The following MAST4 variants were observed in gnomAD, a reference collection of about 807,000 sequenced individuals.
The protein encoded by MAST4 is microtubule-associated serine/threonine-protein kinase 4.
Under a neutral mutation model 162.7 loss-of-function variants are expected in MAST4, and 89 were observed. The observed-to-expected ratio is 0.55, with a 90% confidence interval of 0.46 to 0.65. MAST4 has a LOEUF of 0.65. Ranked by LOEUF, MAST4 falls within the 30% of genes least tolerant of loss-of-function variation. The pLI, the probability that MAST4 is intolerant of heterozygous loss-of-function variation, is 0.00. For missense variants in MAST4, 3,153 were observed against 3,374.0 expected (o/e 0.93, Z 1.62); for synonymous variants, 1,479 against 1,361.1 (o/e 1.09, Z -1.91).
intron 2 of MAST4, among the ~76,000 whole-genome samples, chr5:66,760,375 A>G (rs1455212106): frequency 6.6e-6 from 1 of 152,006 alleles, no homozygotes; most frequent in Non-Finnish European, 1.5e-5. Context: ...TGGCCTCCCA[A>G]AGTGCTGGGA....
chr5:67,011,513 C>G (rs1338869571), intron 4 of MAST4, among the ~76,000 whole-genome samples: 1 of 152,202 alleles, frequency 6.6e-6, no homozygotes, highest in Non-Finnish European at 1.5e-5. Context: ...TCTCACGTTG[C>G]TAATATTCCA....
At chr5:67,125,155 A>C (rs559696728) in intron 14 of MAST4, among the ~76,000 whole-genome samples, 2 of 152,302 alleles carry the variant, frequency 1.3e-5, no homozygotes, top group South Asian at 4.2e-4. Context: ...GCAAGCTATA[A>C]AAGAAAGATA....
chr5:67,095,134 T>C (rs1037537704), intron 6 of MAST4, among the ~76,000 whole-genome samples: 1 of 152,204 alleles, frequency 6.6e-6, no homozygotes, highest in Non-Finnish European at 1.5e-5. Context: ...TGAGTATAAC[T>C]GTTCCTTGAA....
rs745946680 is a variant in MAST4 at position 67,163,493 on chromosome 5, C to A, written c.4314C>A (p.Ser1438=). 6 of 1,613,110 alleles carry A rather than the reference C, an allele frequency of 3.7e-6. No homozygotes were observed. The highest frequency in any genetic ancestry group is 1.7e-4 in the Middle Eastern group (1 of 6,060). The change falls in exon 29 of 29, where the codon TCC becomes TCA. Residue 1438 remains serine, a synonymous_variant. Transcript: ENST00000403625. This position sits in a 1 kb window ranked among gnomAD's most constrained non-coding sequence, Gnocchi z 7.0. ...VRPKSAEPPR[S]PLLKRVQSEE... ...CCAAGAGTGCGGAGCCCCCCAGGTC[C>A]CCGCTGCTCAAGCGCGTGCAGTCCG...
chr5:66,684,874 A>G (rs1258564966), intron 1 of MAST4, among the ~76,000 whole-genome samples: 3 of 152,196 alleles, frequency 2.0e-5, no homozygotes, highest in Non-Finnish European at 4.4e-5. Flanking sequence ...TGTGGGAGGT[A>G]AAAGGGTGTG....
Position 66,717,048 on chromosome 5 carries a change from C to T in MAST4, c.364-42661C>T, listed in dbSNP as rs550008067. 7.9e-5 allele frequency among the ~76,000 whole-genome samples: 12 copies of T among 152,224 alleles called. No individual in the cohort carries two copies. In the East Asian group the frequency reaches 1.5e-3, roughly 20 times the overall value. On this transcript the variant is annotated intron_variant, in intron 1 of 28. Coordinates refer to ENST00000403625, the MANE Select transcript of MAST4 (RefSeq NM_001164664.2). ...CTGATCCCAGGCGATGAGTATTAAG[C>T]GGGAGGGAAGCGAGGCTTTCCATGG...
intron 15 of MAST4, among the ~76,000 whole-genome samples, chr5:67,130,648 T>A (rs1183222196): frequency 6.6e-6 from 1 of 152,222 alleles, no homozygotes; most frequent in African/African-American, 2.4e-5. Context: ...TTATCTTTTT[T>A]AATAGTTTTT....
rs143777967 is a variant in MAST4 at position 66,966,781 on chromosome 5, A to G, written c.674+66799A>G. 3.7e-4 allele frequency among the ~76,000 whole-genome samples: 56 copies of G among 152,348 alleles called. No homozygotes were observed. The East Asian group carries it at 0.011, about 29-fold the overall frequency. ...TTAGCAATCTTTGTTGTAGAAGTTGATGAAATAAAGGTGCCCCATAGCAGG... is the reference window on the plus strand; with the variant it reads ...TTAGCAATCTTTGTTGTAGAAGTTGGTGAAATAAAGGTGCCCCATAGCAGG... On this transcript the variant is annotated intron_variant, in intron 4 of 28. Transcript: ENST00000403625.
chr5:66,781,353 G>A (rs1426152830), intron 2 of MAST4, among the ~76,000 whole-genome samples: 2 of 152,200 alleles, frequency 1.3e-5, no homozygotes, highest in Admixed American at 6.5e-5. Flanking sequence ...GGCAAAGAGA[G>A]GCTATTAGCC....
rs201631098 is a variant in MAST4, at chr5:67,166,056, C to T, written c.6877C>T (p.Arg2293Trp). The T allele has an allele frequency of 7.3e-5, 117 of 1,613,700 alleles. No homozygotes were observed. The African/African-American group carries it at 1.3e-3, about 18-fold the overall frequency. The change falls in exon 29 of 29, where the codon CGG (arginine) becomes TGG (tryptophan). Residue 2293 changes from arginine to tryptophan, a missense_variant. Around this residue, in one of 7 missense-constraint regions of MAST4, gnomAD observed 1,644 missense variants for 1,495.0 expected, o/e 1.10. Transcript: ENST00000403625. ...DAKPQPTSGG[R>W]PLEVLEKPVH... ...CAAGCCACAACCCACCAGTGGTGGG[C>T]GGCCCCTGGAGGTGCTGGAGAAGCC...
chr5:66,994,359 G>A (rs1750393071), intron 4 of MAST4, among the ~76,000 whole-genome samples: 1 of 152,072 alleles, frequency 6.6e-6, no homozygotes, highest in Admixed American at 6.5e-5. Flanking sequence ...TATTGCTGCT[G>A]TTTACATGTC....
At chr5:66,758,141 G>C (rs1190659630) in intron 1 of MAST4, among the ~76,000 whole-genome samples, 2 of 151,640 alleles carry the variant, frequency 1.3e-5, no homozygotes, top group Non-Finnish European at 2.9e-5. Flanking sequence ...TGGATGGGCT[G>C]CTAGTTCTTC....
At chr5:66,870,061 A>C (rs1385793477) in intron 3 of MAST4, among the ~76,000 whole-genome samples, 1 of 152,186 alleles carries the variant, frequency 6.6e-6, no homozygotes, top group East Asian at 1.9e-4. Flanking sequence ...CATGGAATGA[A>C]TAATAGGAAG....
intron 1 of MAST4, among the ~76,000 whole-genome samples, chr5:66,748,252 A>C (rs963615553): frequency 2.0e-5 from 3 of 152,050 alleles, no homozygotes; most frequent in Non-Finnish European, 4.4e-5. Flanking sequence ...TGTCCAGAGC[A>C]ATACCTGGCA....
At chr5:67,061,718 C>A (rs1054773319) in intron 5 of MAST4, among the ~76,000 whole-genome samples, 1 of 151,054 alleles carries the variant, frequency 6.6e-6, no homozygotes, top group Non-Finnish European at 1.5e-5. Flanking sequence ...CCTCTTTCTG[C>A]TTAACAAGTT....
intron 1 of MAST4, among the ~76,000 whole-genome samples, chr5:66,617,902 T>C (rs1008384381): frequency 6.6e-6 from 1 of 152,190 alleles, no homozygotes; most frequent in Non-Finnish European, 1.5e-5. Context: ...TTAGCTTGTG[T>C]TCCTGGCAGC....
At chr5:66,900,134 T>A (rs1334350837) in intron 4 of MAST4, among the ~76,000 whole-genome samples, 152 bp downstream of exon 4, 1 of 152,136 alleles carries the variant, frequency 6.6e-6, no homozygotes, top group East Asian at 1.9e-4. Flanking sequence ...AGTCAAACAG[T>A]AGTAATGATT....
chr5:66,941,457 GC>G (rs1328560819), intron 4 of MAST4, among the ~76,000 whole-genome samples: 2 of 152,196 alleles, frequency 1.3e-5, no homozygotes, highest in East Asian at 3.9e-4. Flanking sequence ...ATCTTACACA[GC>G]TTCCTCACCC....
rs150684614 is a variant in MAST4 at position 66,725,493 on chromosome 5, G to A, written c.364-34216G>A. Among the ~76,000 whole-genome samples, 9 of 152,244 alleles carry A rather than the reference G, an allele frequency of 5.9e-5. No homozygotes were observed. In the East Asian group the frequency reaches 1.7e-3, roughly 29 times the overall value. On this transcript the variant is annotated intron_variant, in intron 1 of 28. Transcript: ENST00000403625. ...ATCAACAAATATGAATGCTCAAAAT[G>A]TGGATACTAAAAGCCCTGTCCTTTG...
Sources: allele counts gnomAD v4.1 joint callset (sites outside exome capture counted in the v4.1 genomes callset), GRCh38; gene constraint gnomAD v4.1.1; regional missense constraint gnomAD v4.1.1; non-coding constraint Gnocchi (gnomAD v3.1); transcripts MANE v1.5; gene names NCBI Gene and HGNC (gene_info 2026-07-23, HGNC 2026-07-21).